Variants in CTNND2 observed in about 807,000 individuals in gnomAD.
CTNND2 encodes catenin delta-2.
Under a neutral mutation model 144.4 loss-of-function variants are expected in CTNND2, and 22 were observed. The ratio of observed to expected loss-of-function variants is 0.15; its 90% confidence interval spans 0.11 to 0.22. The LOEUF (loss-of-function observed/expected upper bound fraction) is 0.22. Ranked by LOEUF, CTNND2 falls within the 10% of genes least tolerant of loss-of-function variation. The pLI is 1.00. For synonymous variants in CTNND2, 751 were observed against 695.6 expected (o/e 1.08, Z -1.25); for missense variants, 1,353 against 1,618.8 (o/e 0.84, Z 2.82).
chr5:11,147,156 C>T (rs942216831), intron 12 of CTNND2, among the ~76,000 whole-genome samples: 2 of 152,266 alleles, frequency 1.3e-5, no homozygotes. Flanking sequence ...AAGACATGAT[C>T]GTCATGTACG....
At chr5:11,395,153 C>CCTT (rs1759972040) in intron 6 of CTNND2, among the ~76,000 whole-genome samples, 2 of 152,158 alleles carry the variant, frequency 1.3e-5, no homozygotes, top group Non-Finnish European at 2.9e-5. Flanking sequence ...ATGTGGCCTC[C>CCTT]CTTCTCTCAA....
chr5:11,731,177 C>G (rs1787367069), intron 2 of CTNND2, among the ~76,000 whole-genome samples: 1 of 152,192 alleles, frequency 6.6e-6, no homozygotes, highest in African/African-American at 2.4e-5. Context: ...CCAGATGGCA[C>G]ACTTTTGACT....
At position 11,342,083 on chromosome 5, in the gene CTNND2, T is replaced by G. The variant is rs954524413; in HGVS notation, c.1628+4289A>C. Reference sequence around the variant, plus strand: ...TTCACTATATATGCATGCGCGTGGGTGTGTGTGTGTGTGTCCACATGTGCA... The same window carrying G: ...TTCACTATATATGCATGCGCGTGGGGGTGTGTGTGTGTGTCCACATGTGCA... On this transcript the variant is annotated intron_variant, in intron 9 of 21. Transcript: ENST00000304623. Among the ~76,000 whole-genome samples the G allele has an allele frequency of 1.2e-3, 181 of 151,524 alleles. 2 individuals carry two copies. Among genetic ancestry groups the G allele is most frequent in the Non-Finnish European group, 3.4e-4 (23 of 67,796 alleles).
intron 11 of CTNND2, among the ~76,000 whole-genome samples, chr5:11,165,550 A>C (rs983315979): frequency 2.0e-5 from 3 of 152,172 alleles, no homozygotes; most frequent in African/African-American, 7.2e-5. Flanking sequence ...ATCTGTGACA[A>C]ATTTGTTTTA....
At chr5:11,807,682 T>TA (rs1792081325) in intron 1 of CTNND2, among the ~76,000 whole-genome samples, 1 of 152,160 alleles carries the variant, frequency 6.6e-6, no homozygotes, top group South Asian at 2.1e-4. Flanking sequence ...AAGCCCACTC[T>TA]AAAACACTGT....
chr5:11,813,189 C>T (rs1792433595), intron 1 of CTNND2, among the ~76,000 whole-genome samples: 1 of 152,190 alleles, frequency 6.6e-6, no homozygotes, highest in South Asian at 2.1e-4. Context: ...GTATTCAGTA[C>T]AGTAGTATAC....
intron 2 of CTNND2, among the ~76,000 whole-genome samples, chr5:11,662,148 CAT>C (rs376386204): frequency 1.6e-3 from 166 of 104,778 alleles, no homozygotes; most frequent in African/African-American, 7.0e-3. Context: ...TATATATACA[CAT>C]ATATATGTGT....
At chr5:11,083,946 C>A in intron 15 of CTNND2, 1 of 1,127,010 alleles carries the variant, frequency 8.9e-7, no homozygotes, top group Non-Finnish European at 1.1e-6. Flanking sequence ...GCCACATCCT[C>A]AGCCCAGCCC....
intron 9 of CTNND2, among the ~76,000 whole-genome samples, chr5:11,254,782 G>A (rs1369555194): frequency 6.6e-6 from 1 of 152,178 alleles, no homozygotes; most frequent in African/African-American, 2.4e-5. Context: ...TTATAATGCA[G>A]GGCAGCCTCC....
At chr5:11,823,681 T>C (rs991463858) in intron 1 of CTNND2, among the ~76,000 whole-genome samples, 4 of 152,180 alleles carry the variant, frequency 2.6e-5, no homozygotes, top group Non-Finnish European at 5.9e-5. Flanking sequence ...GTATTATTCA[T>C]GCTATGTAAA....
chr5:11,713,124 A>G (rs1786130542), intron 2 of CTNND2, among the ~76,000 whole-genome samples: 1 of 152,236 alleles, frequency 6.6e-6, no homozygotes, highest in Admixed American at 6.5e-5. Flanking sequence ...GAAATACTAA[A>G]TACAGTCAGC....
At chr5:11,579,492 A>T (rs767801092) in intron 2 of CTNND2, among the ~76,000 whole-genome samples, 2 of 152,198 alleles carry the variant, frequency 1.3e-5, no homozygotes, top group Non-Finnish European at 2.9e-5. Flanking sequence ...AGACAAGCTA[A>T]TATCATTATG....
At chr5:11,182,170 G>A (rs1029816039) in intron 11 of CTNND2, among the ~76,000 whole-genome samples, 1 of 142,696 alleles carries the variant, frequency 7.0e-6, no homozygotes, top group African/African-American at 2.6e-5. Flanking sequence ...TGTGGTGTGA[G>A]TGGGCGTGTG....
chr5:11,330,885 C>T (rs1425121305), intron 9 of CTNND2, among the ~76,000 whole-genome samples: 14 of 151,900 alleles, frequency 9.2e-5, no homozygotes. Flanking sequence ...CACTGTTTAG[C>T]AAACATACGC....
chr5:11,309,691 T>C (rs2150047337), intron 9 of CTNND2, among the ~76,000 whole-genome samples: 1 of 152,242 alleles, frequency 6.6e-6, no homozygotes. Context: ...TGTATTTTGC[T>C]ATGTGAGAAG....
At chr5:11,791,220 A>G (rs1007783182) in intron 1 of CTNND2, among the ~76,000 whole-genome samples, 1 of 152,194 alleles carries the variant, frequency 6.6e-6, no homozygotes. Flanking sequence ...AGGGTAAGAT[A>G]ATACATTTCA....
At chr5:11,610,666 T>A (rs1780273848) in intron 2 of CTNND2, among the ~76,000 whole-genome samples, 1 of 152,180 alleles carries the variant, frequency 6.6e-6, no homozygotes, top group African/African-American at 2.4e-5. Context: ...CCTGAACGGA[T>A]CATAGCAAAA....
At chr5:11,227,470 C>A (rs1312388457) in intron 10 of CTNND2, among the ~76,000 whole-genome samples, 2 of 152,138 alleles carry the variant, frequency 1.3e-5, no homozygotes, top group African/African-American at 4.8e-5. Flanking sequence ...GAAATACAGG[C>A]TCTTTTCCAA....
intron 21 of CTNND2, among the ~76,000 whole-genome samples, chr5:10,979,002 G>A (rs954501135): frequency 1.6e-4 from 25 of 152,310 alleles, no homozygotes; most frequent in Admixed American, 1.3e-3. Context: ...CCCTGGCCAT[G>A]TCAGGGCGTT....
Sources: gnomAD v4.1 joint callset for allele counts (sites outside exome capture counted in the v4.1 genomes callset) on GRCh38, gnomAD v4.1.1 for gene constraint, MANE v1.5 for transcripts, NCBI Gene and HGNC (gene_info 2026-07-23, HGNC 2026-07-21) for gene names.